The following ALS2 variants were observed in gnomAD, a reference collection of about 807,000 sequenced individuals.
ALS2 encodes alsin.
A neutral mutation model predicts 203.4 loss-of-function variants in ALS2; 117 were observed. That is an observed-to-expected ratio of 0.58 (90% CI 0.50 to 0.67). The LOEUF is 0.67. ALS2 is among the 30% of genes least tolerant of loss of function. ALS2 has a pLI of 0.00. For missense variants in ALS2, 1,715 were observed against 1,989.4 expected (o/e 0.86, Z 2.62); for synonymous variants, 718 against 725.9 (o/e 0.99, Z 0.17).
In ALS2 at chr2:201,754,369, T is replaced by C; in HGVS notation, c.1640+134A>G. On this transcript the variant is annotated intron_variant, in intron 6 of 33. Transcript: ENST00000264276. ...GTAAAGTGACAGCTTTTTATCAGAG[T>C]TAATGGTGTGTAATAATCTGAAGCT... 13 of 1,144,626 alleles carry C rather than the reference T, an allele frequency of 1.1e-5. 2 individuals are homozygous for C. The South Asian group carries it at 1.5e-4, about 13-fold the overall frequency. 70.9% of individuals were successfully genotyped at this position (1,144,626 alleles called of 1,614,324 possible). A position where few individuals can be genotyped will look rare whatever the true frequency, so the allele number is the denominator to read the frequency against.
intron 13 of ALS2, among the ~76,000 whole-genome samples, chr2:201,731,807 T>C (rs748093040): frequency 6.6e-6 from 1 of 152,092 alleles, no homozygotes; most frequent in Non-Finnish European, 1.5e-5. Flanking sequence ...AGAAAGAAAG[T>C]GTTAGCAAAA....
At chr2:201,753,353 C>T in intron 6 of ALS2, 111 bp from the exon 7 acceptor site, 1 of 873,150 alleles carries the variant, frequency 1.1e-6, no homozygotes, top group South Asian at 1.4e-5. Context: ...CTAAAGAAAA[C>T]ATTAAAATAA....
intron 23 of ALS2, among the ~76,000 whole-genome samples, chr2:201,721,366 A>G (rs1431281201): frequency 6.6e-6 from 1 of 152,240 alleles, no homozygotes; most frequent in Admixed American, 6.5e-5. Flanking sequence ...AACAATTTTG[A>G]AAAAGAACAA....
At chr2:201,773,041 T>C (rs1694480279) in intron 1 of ALS2, among the ~76,000 whole-genome samples, 2 of 152,006 alleles carry the variant, frequency 1.3e-5, no homozygotes, top group African/African-American at 2.4e-5. Context: ...TTTGTATTTT[T>C]AGTAGAGACA....
At position 201,757,743 on chromosome 2, in the gene ALS2, G is replaced by T; in HGVS notation, c.1130C>A (p.Ala377Glu). The T allele has an allele frequency of 6.2e-7, 1 of 1,610,382 alleles. No individual in the cohort carries two copies. ...PVPSQPLLEE[A>E]IPNLHSPPTT... ...AGGCGGGCTGTGGAGATTAGGAATT[G>T]CTTCTTCTAAAAGAGGCTAAAATAT... The change falls in exon 5 of 34, where the codon GCA becomes GAA. Residue 377 changes from alanine (A) to glutamate (E), a missense_variant. Ala to Glu is a moderately radical substitution (Grantham distance 107). Coordinates refer to ENST00000264276, the MANE Select transcript of ALS2 (RefSeq NM_020919.4).
At chr2:201,728,910 A>T in intron 14 of ALS2, 142 bp downstream of exon 14, 1 of 1,299,300 alleles carries the variant, frequency 7.7e-7, no homozygotes, top group Non-Finnish European at 1.1e-6. Context: ...AGTACCCATT[A>T]GTATGGTCCT....
intron 8 of ALS2, among the ~76,000 whole-genome samples, chr2:201,747,460 C>T (rs998750923): frequency 3.3e-5 from 4 of 121,628 alleles, no homozygotes; most frequent in Admixed American, 9.8e-5. Flanking sequence ...AGCACTCGGT[C>T]GCTTTTTTTT....
chr2:201,770,234 T>C (rs1694316235), intron 1 of ALS2, among the ~76,000 whole-genome samples: 1 of 152,204 alleles, frequency 6.6e-6, no homozygotes, highest in Admixed American at 6.5e-5. Flanking sequence ...AGAGAATTAT[T>C]CTACGAGGAT....
At position 201,709,983 on chromosome 2, in the gene ALS2, A is replaced by G. The variant is rs773538276; in HGVS notation, c.4178T>C (p.Val1393Ala). Residue 1393 changes from valine to alanine, a missense_variant, in exon 27 of 34, where the codon GTG becomes GCG. Physicochemically the swap from Val to Ala is moderately conservative, Grantham distance 64. Transcript: ENST00000264276. ...TACGCCCACGTATGTCATTCTATAC[A>G]CTGCAACCAGTGTCTCCACAAGCCT... Reference protein sequence around the residue: ...LGRLVETLVAVYRMTYVGVGA... With the variant: ...LGRLVETLVAAYRMTYVGVGA... 6.2e-7 allele frequency: 1 copy of G among 1,614,056 alleles called. No homozygotes were observed. The highest frequency in any genetic ancestry group is 8.5e-7 in the Non-Finnish European group (1 of 1,179,932).
Position 201,757,435 on chromosome 2 carries a change from G to T in ALS2, c.1438C>A (p.Arg480=). The change falls in exon 5 of 34, where the codon CGA becomes AGA. Residue 480 remains arginine, a synonymous_variant. Transcript: ENST00000264276. ...IREEETEGGS[R]RLSLPGLLSQ... ...AACAATCCAGGGAGGGAGAGTCTTC[G>T]ACTGCCTCCCTCTGTTTCTTCTTCT... The T allele has an allele frequency of 6.2e-7, 1 of 1,613,912 alleles. No individual in the cohort carries two copies. The highest frequency in any genetic ancestry group is 8.5e-7 in the Non-Finnish European group (1 of 1,179,872).
Position 201,724,505 on chromosome 2 carries a change from T to C in ALS2, c.3348-46A>G, listed in dbSNP as rs926312124. The C allele has an allele frequency of 7.5e-6, 12 of 1,595,054 alleles. No individual in the cohort carries two copies. The African/African-American group carries it at 1.5e-4, about 20-fold the overall frequency. ...TAATTATCACATGCACATTGAATTC[T>C]GATGCTCATTTTTACAAAGTTTAGA... On this transcript the variant is annotated intron_variant, in intron 20 of 33. Transcript: ENST00000264276.
rs1322568733 is a variant in ALS2 at position 201,700,835 on chromosome 2, T to A, written c.*1016A>T. 6.6e-6 allele frequency: 1 copy of A among 152,466 alleles called. No individual in the cohort carries two copies. Among genetic ancestry groups the A allele is most frequent in the Non-Finnish European group, 1.5e-5 (1 of 68,034 alleles). 9.4% of individuals were successfully genotyped at this position (152,466 alleles called of 1,614,324 possible). On this transcript the variant is annotated 3_prime_UTR_variant, in exon 34 of 34. Coordinates refer to ENST00000264276, the MANE Select transcript of ALS2 (RefSeq NM_020919.4). ...CAACAACTTACAATAGGGCATTTTT[T>A]AAAAAGCAAAACACTGAAATGTTGA... is the stretch of plus-strand genomic sequence containing the variant.
chr2:201,726,598 A>G, intron 18 of ALS2, 49 bp from the exon 19 acceptor site: 3 of 1,609,380 alleles, frequency 1.9e-6, no homozygotes, highest in Non-Finnish European at 2.6e-6. Flanking sequence ...TATTTCAGAT[A>G]ATTAATACTT....
Position 201,761,084 on chromosome 2 carries a change from C to G in ALS2, c.910G>C (p.Glu304Gln), listed in dbSNP as rs772501497. Residue 304 changes from glutamate to glutamine, a missense_variant, in exon 4 of 34, where the codon GAA becomes CAA. Around this residue, in one of 3 missense-constraint regions of ALS2, gnomAD observed 476 missense variants for 539.3 expected, o/e 0.88. Coordinates refer to ENST00000264276, the MANE Select transcript of ALS2 (RefSeq NM_020919.4). ...LVANDQSVAT[E>Q]LNAVSAQITS... ...ATCTGAGCACTTACTGCATTCAGTT[C>G]AGTAGCAACAGACTGATCATTTGCT... 6.2e-7 allele frequency: 1 copy of G among 1,614,178 alleles called. No individual in the cohort carries two copies. The highest frequency in any genetic ancestry group is 8.5e-7 in the Non-Finnish European group (1 of 1,180,034).
chr2:201,749,833 AT>A, intron 7 of ALS2, 44 bp from the exon 8 acceptor site: 1 of 1,468,344 alleles, frequency 6.8e-7, no homozygotes, highest in Non-Finnish European at 9.5e-7. Flanking sequence ...TGTGAATCTG[AT>A]TTTGCACATC....
intron 8 of ALS2, among the ~76,000 whole-genome samples, chr2:201,748,802 A>T (rs1026659957): frequency 2.6e-5 from 4 of 152,246 alleles, no homozygotes; most frequent in African/African-American, 9.6e-5. Context: ...CCAAAAGGAA[A>T]GGCAGCATGT....
At chr2:201,727,629 CT>C in intron 16 of ALS2, 75 bp downstream of exon 16, 4 of 1,126,462 alleles carry the variant, frequency 3.6e-6, no homozygotes, top group Non-Finnish European at 3.6e-6. Context: ...CCTTCCTGAG[CT>C]TTTTTTCACA....
At chr2:201,712,473 A>G (rs552715049) in intron 25 of ALS2, among the ~76,000 whole-genome samples, 168 of 152,354 alleles carry the variant, frequency 1.1e-3, no homozygotes, top group African/African-American at 3.8e-3. Context: ...CCCTTTAGAA[A>G]GCAACTGACA....
At chr2:201,751,676 C>T (rs924374778) in intron 7 of ALS2, among the ~76,000 whole-genome samples, 3 of 152,154 alleles carry the variant, frequency 2.0e-5, no homozygotes, top group Admixed American at 6.5e-5. Flanking sequence ...TATTGACAAA[C>T]ATATCTTACT....
Sources: allele counts gnomAD v4.1 joint callset (sites outside exome capture counted in the v4.1 genomes callset), GRCh38; gene constraint gnomAD v4.1.1; regional missense constraint gnomAD v4.1.1; transcripts MANE v1.5; gene names NCBI Gene and HGNC (gene_info 2026-07-23, HGNC 2026-07-21).